RHOA: variants seen among roughly 807,000 people sequenced by gnomAD.
RHOA encodes transforming protein RhoA.
In RHOA, 3 loss-of-function variants were observed where a neutral mutation model predicts 17.5. The ratio of observed to expected loss-of-function variants is 0.17; its 90% CI spans 0.08 to 0.44. The LOEUF is 0.44. Ranked by LOEUF, RHOA falls within the 20% of genes least tolerant of loss-of-function variation. The pLI is 0.99. For missense variants in RHOA, 56 were observed against 242.3 expected (o/e 0.23, Z 5.10); for synonymous variants, 98 against 88.4 (o/e 1.11, Z -0.61).
In RHOA at chr3:49,399,591, TC is replaced by T. The variant is rs201483241; in HGVS notation, c.-3+12228del. Among the ~76,000 whole-genome samples, 322 of 147,926 alleles carry T rather than the reference TC, an allele frequency of 2.2e-3. 3 individuals carry two copies. Among genetic ancestry groups the T allele is most frequent in the East Asian group, 0.014 (69 of 5,032 alleles). On this transcript the variant is annotated intron_variant, in intron 1 of 4. Coordinates refer to ENST00000418115, the MANE Select transcript of RHOA (RefSeq NM_001664.4). ...GTACACAGGAGCTTTTTTTTTTTTT[TC>T]CCCCAGAAAGGGTCTTGCTTTGTCA...
intron 1 of RHOA, among the ~76,000 whole-genome samples, chr3:49,399,095 C>T (rs888066877): frequency 8.8e-6 from 1 of 113,372 alleles, no homozygotes; most frequent in Non-Finnish European, 1.9e-5. Flanking sequence ...AAAGGCTGGG[C>T]ACGGTGGCTC....
At chr3:49,366,176 T>A (rs1396095684) in intron 3 of RHOA, among the ~76,000 whole-genome samples, 1 of 152,106 alleles carries the variant, frequency 6.6e-6, no homozygotes, top group Admixed American at 6.6e-5. Context: ...TCCAATAGGA[T>A]CTAGGTGAAG....
chr3:49,400,851 C>T (rs1386286116), intron 1 of RHOA, among the ~76,000 whole-genome samples: 22 of 151,570 alleles, frequency 1.5e-4, no homozygotes, highest in African/African-American at 5.3e-4. Context: ...CAAGACCATC[C>T]TGGCTAACAC....
intron 1 of RHOA, among the ~76,000 whole-genome samples, chr3:49,410,712 A>C (rs968615397): frequency 3.3e-5 from 5 of 152,228 alleles, no homozygotes; most frequent in Admixed American, 3.3e-4. Context: ...TGGTTGAAAA[A>C]TTCTCTCCAC....
chr3:49,360,486 A>G, intron 4 of RHOA, 104 bp from the exon 5 acceptor site: 1 of 1,313,878 alleles, frequency 7.6e-7, no homozygotes. Flanking sequence ...TCTTTTTTTG[A>G]GACAGTTTTG....
chr3:49,361,289 A>G (rs1479791518), intron 4 of RHOA, among the ~76,000 whole-genome samples: 1 of 152,170 alleles, frequency 6.6e-6, no homozygotes, highest in African/African-American at 2.4e-5. Context: ...AATGCCCTGA[A>G]GGAAATAAAG....
At chr3:49,363,649 C>G (rs576544400) in intron 3 of RHOA, among the ~76,000 whole-genome samples, 2 of 151,832 alleles carry the variant, frequency 1.3e-5, no homozygotes, top group African/African-American at 4.8e-5. Context: ...GTCAGGAGTT[C>G]GAGACCAGCC....
At chr3:49,363,721 G>A (rs1236198384) in intron 3 of RHOA, among the ~76,000 whole-genome samples, 1 of 149,634 alleles carries the variant, frequency 6.7e-6, no homozygotes, top group Admixed American at 6.6e-5. Flanking sequence ...GCGCAGTGGT[G>A]TGCACCTATA....
At chr3:49,375,020 C>A (rs2048203750) in intron 2 of RHOA, among the ~76,000 whole-genome samples, 1 of 151,968 alleles carries the variant, frequency 6.6e-6, no homozygotes, top group Admixed American at 6.6e-5. Context: ...CCTGTAATCC[C>A]AGCACTTTGG....
At chr3:49,400,120 G>C (rs2048697362) in intron 1 of RHOA, among the ~76,000 whole-genome samples, 2 of 151,068 alleles carry the variant, frequency 1.3e-5, no homozygotes, top group South Asian at 4.2e-4. Context: ...GCTGAGGCAG[G>C]AGAATCGCTT....
At chr3:49,398,138 A>G (rs2048650023) in intron 1 of RHOA, among the ~76,000 whole-genome samples, 1 of 152,090 alleles carries the variant, frequency 6.6e-6, no homozygotes, top group Non-Finnish European at 1.5e-5. Context: ...AGGTGGGCAG[A>G]TCACTTGAGG....
chr3:49,362,098 A>C (rs952040016), intron 4 of RHOA, among the ~76,000 whole-genome samples: 2 of 151,370 alleles, frequency 1.3e-5, no homozygotes, highest in African/African-American at 4.9e-5. Flanking sequence ...GAGGCAGAAG[A>C]ATCGCTTGAA....
At chr3:49,394,198 G>T (rs1419662933) in intron 1 of RHOA, among the ~76,000 whole-genome samples, 1 of 151,834 alleles carries the variant, frequency 6.6e-6, no homozygotes, top group Non-Finnish European at 1.5e-5. Context: ...TAGAGACAGG[G>T]ATTCACCATG....
At chr3:49,390,906 A>G (rs2048491095) in intron 1 of RHOA, among the ~76,000 whole-genome samples, 1 of 151,900 alleles carries the variant, frequency 6.6e-6, no homozygotes, top group Non-Finnish European at 1.5e-5. Context: ...AACGTGGTGA[A>G]ACCCCGTCTC....
chr3:49,409,407 A>C (rs2048895635), intron 1 of RHOA, among the ~76,000 whole-genome samples: 1 of 152,152 alleles, frequency 6.6e-6, no homozygotes, highest in Admixed American at 6.5e-5. Flanking sequence ...AAATAAAAAT[A>C]AATATAAAAC....
intron 1 of RHOA, among the ~76,000 whole-genome samples, chr3:49,400,914 C>T (rs1036343020): frequency 7.3e-5 from 11 of 150,976 alleles, no homozygotes; most frequent in Non-Finnish European, 1.2e-4. Context: ...GGCATAGTGG[C>T]GGGCGCCTGT....
chr3:49,387,569 C>T (rs1323578320), intron 1 of RHOA, among the ~76,000 whole-genome samples: 1 of 151,482 alleles, frequency 6.6e-6, no homozygotes, highest in South Asian at 2.1e-4. Context: ...CGGTGAAACC[C>T]CGTCTCTACT....
At chr3:49,360,466 G>T (rs898100470) in intron 4 of RHOA, 84 bp from the exon 5 acceptor site, 19 of 1,426,878 alleles carry the variant, frequency 1.3e-5, no homozygotes, top group African/African-American at 4.4e-5. Context: ...TCATCTAAAA[G>T]ATTTTTTTTT....
intron 1 of RHOA, among the ~76,000 whole-genome samples, chr3:49,405,809 C>T (rs1391433937): frequency 3.3e-5 from 5 of 152,108 alleles, no homozygotes; most frequent in African/African-American, 1.2e-4. Flanking sequence ...TTCAGCCTTC[C>T]GAGTAGCTGG....
Sources: allele counts gnomAD v4.1 joint callset (sites outside exome capture counted in the v4.1 genomes callset), GRCh38; gene constraint gnomAD v4.1.1; transcripts MANE v1.5; gene names NCBI Gene and HGNC (gene_info 2026-07-23, HGNC 2026-07-21).